WDR1: variants seen among roughly 807,000 people sequenced by gnomAD.
The protein encoded by WDR1 is WD repeat-containing protein 1.
A neutral mutation model predicts 71.9 loss-of-function variants in WDR1; 21 were observed. The ratio of observed to expected loss-of-function variants is 0.29; its 90% CI spans 0.21 to 0.42. WDR1 has a LOEUF of 0.42. WDR1 is among the 10% of genes least tolerant of loss of function. WDR1 has a pLI of 1.00. For synonymous variants in WDR1, 424 were observed against 347.4 expected (o/e 1.22, Z -2.45); for missense variants, 696 against 824.5 (o/e 0.84, Z 1.91).
At chr4:10,109,478 A>T (rs1713218138) in intron 2 of WDR1, among the ~76,000 whole-genome samples, 1 of 152,224 alleles carries the variant, frequency 6.6e-6, no homozygotes, top group South Asian at 2.1e-4. Context: ...CTGGCCAACC[A>T]GCTGTGTGCT....
chr4:10,075,583 C>A, intron 14 of WDR1, 99 bp from the exon 15 acceptor site: 1 of 1,126,268 alleles, frequency 8.9e-7, no homozygotes, highest in Non-Finnish European at 1.3e-6. Flanking sequence ...TAAATCATCT[C>A]CAGGGCCAAG....
intron 5 of WDR1, among the ~76,000 whole-genome samples, chr4:10,097,134 G>A (rs1268797004): frequency 6.6e-6 from 1 of 152,268 alleles, no homozygotes; most frequent in East Asian, 1.9e-4. Context: ...AGGAGGCTTG[G>A]CAAGGCCTGG....
At chr4:10,093,294 G>C (rs1359539693) in intron 5 of WDR1, 3 of 450,182 alleles carry the variant, frequency 6.7e-6, no homozygotes, top group East Asian at 7.2e-5. Flanking sequence ...CTGGTAGAAG[G>C]GGACAGGCTC....
chr4:10,082,535 A>C (rs1003035409), intron 10 of WDR1, among the ~76,000 whole-genome samples: 1 of 152,304 alleles, frequency 6.6e-6, no homozygotes, highest in East Asian at 1.9e-4. Context: ...CTGACTGCCA[A>C]TCAAAGGCCC....
chr4:10,113,535 C>T (rs185352706), intron 2 of WDR1, among the ~76,000 whole-genome samples: 58 of 152,300 alleles, frequency 3.8e-4, no homozygotes, highest in Non-Finnish European at 6.6e-4. Context: ...CTGGCTTTCA[C>T]CGAGGTGGGA....
intron 10 of WDR1, among the ~76,000 whole-genome samples, chr4:10,082,559 A>G (rs1765061040): frequency 1.3e-5 from 2 of 151,962 alleles, no homozygotes; most frequent in Non-Finnish European, 2.9e-5. Flanking sequence ...ACCAAAAACA[A>G]ACAAGACATT....
At chr4:10,088,073 G>C in intron 7 of WDR1, 133 bp from the exon 8 acceptor site, 1 of 961,590 alleles carries the variant, frequency 1.0e-6, no homozygotes, top group Non-Finnish European at 1.5e-6. Context: ...ACATGAGTGA[G>C]GCCAAGGACA....
chr4:10,112,939 G>A (rs751906822), intron 2 of WDR1, among the ~76,000 whole-genome samples: 1 of 152,242 alleles, frequency 6.6e-6, no homozygotes, highest in East Asian at 1.9e-4. Context: ...GTAGGCAGCC[G>A]TAGCCTGCTG....
chr4:10,097,996 A>G, intron 4 of WDR1, 105 bp from the exon 5 acceptor site: 1 of 1,200,404 alleles, frequency 8.3e-7, no homozygotes, highest in South Asian at 1.7e-5. Flanking sequence ...CAGAGGATGG[A>G]GTGACTGTCA....
In WDR1 at chr4:10,103,891, A is replaced by G. The variant is rs774337098; in HGVS notation, c.229+5T>C. 3.8e-6 allele frequency: 6 copies of G among 1,576,178 alleles called. No homozygotes were observed. Among genetic ancestry groups the G allele is most frequent in the Middle Eastern group, 1.7e-4 (1 of 5,894 alleles). ...GTGTCCACGAGCCTTGCCCCCATAC[A>G]GTACCTCCGGAGGCAATGTAGAATC... On this transcript the variant is annotated splice_donor_5th_base_variant and intron_variant, in intron 3 of 14. Coordinates refer to ENST00000499869, the MANE Select transcript of WDR1 (RefSeq NM_017491.5).
intron 12 of WDR1, 129 bp from the exon 13 acceptor site, chr4:10,078,055 G>T: frequency 4.2e-6 from 5 of 1,178,194 alleles, no homozygotes; most frequent in Non-Finnish European, 5.8e-6. Flanking sequence ...CTGGGCCCAT[G>T]CCAGGAGCTG....
intron 10 of WDR1, 105 bp from the exon 11 acceptor site, chr4:10,081,549 T>G: frequency 2.0e-6 from 2 of 1,005,404 alleles, no homozygotes; most frequent in South Asian, 2.7e-5. Flanking sequence ...TAGAAGGCAA[T>G]TCTATTGCCA....
At chr4:10,109,719 C>T (rs564615234) in intron 2 of WDR1, among the ~76,000 whole-genome samples, 1 of 152,254 alleles carries the variant, frequency 6.6e-6, no homozygotes, top group Non-Finnish European at 1.5e-5. Flanking sequence ...TCCTACTCCC[C>T]ACCCAGGGCC....
intron 5 of WDR1, chr4:10,092,496 C>G: frequency 6.5e-6 from 1 of 153,660 alleles, no homozygotes; most frequent in East Asian, 1.9e-4. Flanking sequence ...CTCCCACAGG[C>G]TCTGGCAGGG....
chr4:10,113,301 C>T lies in WDR1; in HGVS notation c.138+2812G>A, dbSNP rs1242371398. On this transcript the variant is annotated intron_variant, in intron 2 of 14. Coordinates refer to ENST00000499869, the MANE Select transcript of WDR1 (RefSeq NM_017491.5). ...GCCTGAACCCGGCAGGTGGAGGTTGCAGTGACCCAAGATCACGCCACCGCA... is the reference window on the plus strand; with the variant it reads ...GCCTGAACCCGGCAGGTGGAGGTTGTAGTGACCCAAGATCACGCCACCGCA... Among the ~76,000 whole-genome samples, 3 of 152,150 alleles carry T rather than the reference C, an allele frequency of 2.0e-5. No individual in the cohort carries two copies. The East Asian group carries it at 5.8e-4, about 29-fold the overall frequency.
chr4:10,075,922 TG>T (rs999827814), intron 14 of WDR1: 29 of 179,498 alleles, frequency 1.6e-4, no homozygotes, highest in Non-Finnish European at 2.5e-4. Flanking sequence ...CACACAGGAC[TG>T]GGGGGGCCAC....
intron 5 of WDR1, chr4:10,092,908 T>G (rs953175936): frequency 4.0e-6 from 2 of 497,528 alleles, no homozygotes; most frequent in African/African-American, 2.0e-5. Flanking sequence ...TCATCCCTGG[T>G]GGACAACTGA....
At chr4:10,075,745 C>T (rs1278559081) in intron 14 of WDR1, 4 of 550,020 alleles carry the variant, frequency 7.3e-6, no homozygotes, top group East Asian at 6.1e-5. Flanking sequence ...CCTACAGATG[C>T]CAGTGGCTCC....
intron 5 of WDR1, among the ~76,000 whole-genome samples, chr4:10,089,973 G>C (rs1476577673): frequency 2.0e-5 from 3 of 152,320 alleles, no homozygotes; most frequent in South Asian, 2.1e-4. Context: ...AGGGCAGGCT[G>C]TAAATCCAGC....
Sources: allele counts gnomAD v4.1 joint callset (sites outside exome capture counted in the v4.1 genomes callset), GRCh38; gene constraint gnomAD v4.1.1; transcripts MANE v1.5; gene names NCBI Gene and HGNC (gene_info 2026-07-23, HGNC 2026-07-21).